Variants in TSPAN2 observed in about 807,000 individuals in gnomAD.
The protein encoded by TSPAN2 is tetraspanin-2.
TSPAN2 carries 24 observed loss-of-function variants against 33.3 expected under a neutral mutation model. That is an observed-to-expected ratio of 0.72 (90% confidence interval 0.52 to 1.01). The LOEUF (loss-of-function observed/expected upper bound fraction) is 1.01, where lower values mean the gene tolerates loss of function less well. TSPAN2 is among the 50% of genes least tolerant of loss of function. The probability of loss-of-function intolerance (pLI) is 0.00; values close to 1 mark genes in which losing one functional copy is unlikely to be tolerated. For synonymous variants in TSPAN2, 114 were observed against 104.5 expected, an observed-to-expected ratio of 1.09 and a Z score of -0.56; for missense variants, 278 against 281.3, an observed-to-expected ratio of 0.99 and a Z score of 0.08.
intron 1 of TSPAN2, among the ~76,000 whole-genome samples, chr1:115,088,538 T>C (rs898231297): frequency 1.3e-5 from 2 of 152,196 alleles, no homozygotes; most frequent in African/African-American, 2.4e-5. Context: ...GGTCTAGCTG[T>C]ATCCCTGTCT....
intron 1 of TSPAN2, among the ~76,000 whole-genome samples, chr1:115,076,763 T>A (rs1369912828): frequency 1.3e-5 from 2 of 152,218 alleles, no homozygotes; most frequent in Admixed American, 1.3e-4. Flanking sequence ...GTTTCAGAGA[T>A]GAGGAAAGTC....
chr1:115,084,991 G>A (rs369871907), intron 1 of TSPAN2, among the ~76,000 whole-genome samples: 2 of 152,192 alleles, frequency 1.3e-5, no homozygotes, highest in East Asian at 3.9e-4. Flanking sequence ...AGCTAGTGCA[G>A]CACAATGATA....
At chr1:115,074,466 A>G (rs1005290643) in intron 1 of TSPAN2, among the ~76,000 whole-genome samples, 5 of 152,106 alleles carry the variant, frequency 3.3e-5, no homozygotes, top group African/African-American at 9.7e-5. Flanking sequence ...GGAGTAACTA[A>G]AAGTTTCCAG....
chr1:115,060,116 C>G (rs1008380573), intron 4 of TSPAN2, among the ~76,000 whole-genome samples: 3 of 152,138 alleles, frequency 2.0e-5, no homozygotes, highest in African/African-American at 7.2e-5. Context: ...GGCAGTCTGA[C>G]AGGGGATGAG....
chr1:115,077,930 A>G (rs141312750), intron 1 of TSPAN2, among the ~76,000 whole-genome samples: 20 of 152,348 alleles, frequency 1.3e-4, no homozygotes, highest in African/African-American at 4.6e-4. Flanking sequence ...CCAGATCACC[A>G]AGAGCAAATA....
chr1:115,062,957 G>T (rs983965062), intron 2 of TSPAN2, among the ~76,000 whole-genome samples: 1 of 152,212 alleles, frequency 6.6e-6, no homozygotes, highest in Non-Finnish European at 1.5e-5. Context: ...TGGCCTCAGC[G>T]TTCTTTTCAG....
chr1:115,060,659 T>C (rs1647682508), intron 3 of TSPAN2, 121 bp from the exon 4 acceptor site: 2 of 739,238 alleles, frequency 2.7e-6, no homozygotes, highest in South Asian at 3.6e-5. Context: ...CATTCATTCA[T>C]TCATTCAGCA....
chr1:115,089,268 C>G, intron 1 of TSPAN2, 96 bp downstream of exon 1: 4 of 1,145,256 alleles, frequency 3.5e-6, no homozygotes, highest in Non-Finnish European at 4.8e-6. Context: ...CCCACGAGCG[C>G]GACTCGGACG....
intron 1 of TSPAN2, among the ~76,000 whole-genome samples, chr1:115,077,864 T>C (rs12740360): frequency 0.33 from 50,756 of 152,148 alleles, 9,349 homozygotes; most frequent in Non-Finnish European, 0.42. Flanking sequence ...AGATCATTCC[T>C]CATTCTGGCC....
rs775320418 is a variant in TSPAN2, at chr1:115,089,470, C to A, written c.-38G>T. The A allele has an allele frequency of 5.0e-5, 71 of 1,423,768 alleles. No individual in the cohort carries two copies. The highest frequency in any genetic ancestry group is 6.3e-5 in the Non-Finnish European group (68 of 1,080,520). 88.2% of individuals were successfully genotyped at this position (1,423,768 alleles called of 1,614,324 possible). On this transcript the variant is annotated 5_prime_UTR_variant, in exon 1 of 8. Transcript: ENST00000369516. ...CGGCGGGATCCCCAGTCCCCAGGCCCGCGCTACGAGCGCGGGGAGCGGCAG... is the reference window on the plus strand; with the variant it reads ...CGGCGGGATCCCCAGTCCCCAGGCCAGCGCTACGAGCGCGGGGAGCGGCAG...
chr1:115,054,305 G>GT (rs1647305379), intron 6 of TSPAN2, among the ~76,000 whole-genome samples: 1 of 152,034 alleles, frequency 6.6e-6, no homozygotes, highest in Admixed American at 6.6e-5. Context: ...TTCTCTCTTC[G>GT]TATTTCCTAT....
In TSPAN2 at chr1:115,060,522, A is replaced by G. The variant is rs1647672467; in HGVS notation, c.287T>C (p.Leu96Pro). 2 of 1,613,466 alleles carry G rather than the reference A, an allele frequency of 1.2e-6. No homozygotes were observed. Among genetic ancestry groups the G allele is most frequent in the African/African-American group, 1.3e-5 (1 of 74,932 alleles). ...GGTTACTTCAGCAGCAAATATCACC[A>G]GGAGGCAGGTAAAAAACTGTAGAGG... is the stretch of plus-strand genomic sequence containing the variant. ...CVLGSFFTCL[L>P]VIFAAEVTTG... is the part of the protein sequence containing the mutation. The change falls in exon 4 of 8, where the codon CTG becomes CCG. Residue 96 changes from leucine to proline, a missense_variant. Physicochemically the swap from Leu to Pro is moderately conservative, Grantham distance 98. Coordinates refer to ENST00000369516, the MANE Select transcript of TSPAN2 (RefSeq NM_005725.6).
intron 2 of TSPAN2, among the ~76,000 whole-genome samples, chr1:115,070,073 G>A (rs1253495324): frequency 4.6e-5 from 7 of 152,110 alleles, no homozygotes; most frequent in South Asian, 2.1e-4. Flanking sequence ...GGTTGCTCCC[G>A]GGGAGGTCTT....
In TSPAN2 at chr1:115,053,429, C is replaced by T; in HGVS notation, c.550G>A (p.Val184Ile). Residue 184 changes from valine (V) to isoleucine (I), a missense_variant, in exon 7 of 8, where the codon GTT (valine) becomes ATT (isoleucine). Coordinates refer to ENST00000369516, the MANE Select transcript of TSPAN2 (RefSeq NM_005725.6). ...ACAATTCCAATGAGCTGGAGCTTAA[C>T]ACTGATTATGGTCTCAATTTCATCG... The part of the protein sequence containing the change: ...CIDEIETIIS[V>I]KLQLIGIVGI... 1 of 1,613,932 alleles carries T rather than the reference C, an allele frequency of 6.2e-7. No homozygotes were observed. The highest frequency in any genetic ancestry group is 8.5e-7 in the Non-Finnish European group (1 of 1,179,884).
rs551696341 is a variant in TSPAN2 at position 115,068,001 on chromosome 1, C to G, written c.172+4904G>C. Among the ~76,000 whole-genome samples, 9 of 152,302 alleles carry G rather than the reference C, an allele frequency of 5.9e-5. No homozygotes were observed. The South Asian group carries it at 1.9e-3, about 32-fold the overall frequency. On this transcript the variant is annotated intron_variant, in intron 2 of 7. Coordinates refer to ENST00000369516, the MANE Select transcript of TSPAN2 (RefSeq NM_005725.6). ...CCAAGAGTGCCCTGAAAGAGACTAGCGTGGACAAGGTCTAGGCAACACGGA... is the reference window on the plus strand; with the variant it reads ...CCAAGAGTGCCCTGAAAGAGACTAGGGTGGACAAGGTCTAGGCAACACGGA...
At chr1:115,085,872 G>T (rs1257514747) in intron 1 of TSPAN2, among the ~76,000 whole-genome samples, 2 of 152,110 alleles carry the variant, frequency 1.3e-5, no homozygotes, top group African/African-American at 2.4e-5. Context: ...ATGTCCTACT[G>T]CATGCCTTCT....
rs897372471 is a variant in TSPAN2 at position 115,050,402 on chromosome 1, C to A, written c.*88G>T. Reference sequence around the variant, plus strand: ...AGCAAATTATTTTAGATCCTAATGTCATTTCAGTGTTAAAAATGAGCTGGG... The same window carrying A: ...AGCAAATTATTTTAGATCCTAATGTAATTTCAGTGTTAAAAATGAGCTGGG... On this transcript the variant is annotated 3_prime_UTR_variant, in exon 8 of 8. Transcript: ENST00000369516. The A allele has an allele frequency of 6.1e-6, 7 of 1,156,132 alleles. No homozygotes were observed. Among genetic ancestry groups the A allele is most frequent in the Non-Finnish European group, 9.1e-6 (7 of 765,826 alleles). 71.6% of individuals were successfully genotyped at this position (1,156,132 alleles called of 1,614,324 possible).
intron 1 of TSPAN2, among the ~76,000 whole-genome samples, chr1:115,076,450 G>A (rs1648416314): frequency 6.6e-6 from 1 of 152,134 alleles, no homozygotes; most frequent in African/African-American, 2.4e-5. Flanking sequence ...TTACCTGGAG[G>A]TCAGACATAG....
intron 2 of TSPAN2, among the ~76,000 whole-genome samples, chr1:115,065,950 T>C (rs886332910): frequency 6.6e-6 from 1 of 152,174 alleles, no homozygotes; most frequent in Non-Finnish European, 1.5e-5. Context: ...ACCCTCGGCC[T>C]CCATGAGATC....
Sources: allele counts gnomAD v4.1 joint callset (sites outside exome capture counted in the v4.1 genomes callset), GRCh38; gene constraint gnomAD v4.1.1; transcripts MANE v1.5; gene names NCBI Gene and HGNC (gene_info 2026-07-23, HGNC 2026-07-21).